Variants in RYR3 observed in about 807,000 individuals in gnomAD.
RYR3 encodes brain ryanodine receptor-calcium release channel.
In RYR3, 207 loss-of-function variants were observed where a neutral mutation model predicts 584.3. The ratio of observed to expected loss-of-function variants is 0.35; its 90% CI spans 0.32 to 0.40. RYR3 has a LOEUF of 0.40. RYR3 is among the 10% of genes least tolerant of loss of function. The pLI, the probability that RYR3 is intolerant of heterozygous loss-of-function variation, is 1.00. For synonymous variants in RYR3, 2,416 were observed against 2,248.5 expected (o/e 1.07, Z -2.11); for missense variants, 5,616 against 6,089.2 (o/e 0.92, Z 2.59).
rs534021701 is a variant in RYR3 at position 33,314,871 on chromosome 15, G to A, written c.51+3775G>A. 1.1e-3 allele frequency among the ~76,000 whole-genome samples: 172 copies of A among 151,892 alleles called. 1 individual carries two copies. Among genetic ancestry groups the A allele is most frequent in the African/African-American group, 4.0e-3 (165 of 41,384 alleles). ...GGAGCCTGCAGTGAGCCGAGATTGC[G>A]CCACTGGACTCTAGCCTGGGCGGCA... is the stretch of plus-strand genomic sequence containing the variant. On this transcript the variant is annotated intron_variant, in intron 1 of 103. Transcript: ENST00000634891.
At chr15:33,338,870 G>A (rs1330544002) in intron 1 of RYR3, among the ~76,000 whole-genome samples, 2 of 151,998 alleles carry the variant, frequency 1.3e-5, no homozygotes, top group Non-Finnish European at 2.9e-5. Flanking sequence ...TACAAACTTC[G>A]TTTCCTCTTA....
intron 32 of RYR3, among the ~76,000 whole-genome samples, chr15:33,658,720 T>A (rs2152700084): frequency 6.6e-6 from 1 of 152,322 alleles, no homozygotes; most frequent in South Asian, 2.1e-4. Context: ...TGAAAACACT[T>A]TAGTAATATG....
intron 1 of RYR3, among the ~76,000 whole-genome samples, chr15:33,444,510 G>T (rs1468047030): frequency 2.0e-5 from 3 of 152,176 alleles, no homozygotes; most frequent in Non-Finnish European, 4.4e-5. Context: ...GGGGATGAAG[G>T]AGATGGAGCC....
intron 82 of RYR3, 130 bp from the exon 83 acceptor site, chr15:33,826,122 C>T: frequency 1.2e-6 from 1 of 846,824 alleles, no homozygotes; most frequent in Non-Finnish European, 2.0e-6. Context: ...AAAATGCTTC[C>T]ATCGGTAGCT....
chr15:33,517,319 G>T (rs531488936), intron 3 of RYR3, among the ~76,000 whole-genome samples: 2 of 152,250 alleles, frequency 1.3e-5, no homozygotes, highest in East Asian at 3.9e-4. Context: ...TAACCTTTCT[G>T]ATTTTGTCTT....
At chr15:33,623,066 C>G (rs1484313030) in intron 19 of RYR3, among the ~76,000 whole-genome samples, 1 of 152,158 alleles carries the variant, frequency 6.6e-6, no homozygotes, top group African/African-American at 2.4e-5. Context: ...GTTGGGAAGT[C>G]CCAGTGAGCA....
chr15:33,618,822 A>G (rs1015665847), intron 19 of RYR3, among the ~76,000 whole-genome samples: 6 of 152,236 alleles, frequency 3.9e-5, no homozygotes, highest in African/African-American at 1.2e-4. Context: ...TGAGCACAGC[A>G]CAGCTTTGTC....
intron 67 of RYR3, among the ~76,000 whole-genome samples, chr15:33,792,540 A>G (rs1392742486): frequency 1.3e-5 from 2 of 152,214 alleles, no homozygotes; most frequent in Non-Finnish European, 2.9e-5. Context: ...CTTCTATTCT[A>G]CAGAACTTCA....
intron 19 of RYR3, among the ~76,000 whole-genome samples, chr15:33,622,834 T>C (rs762810042): frequency 2.0e-5 from 3 of 152,208 alleles, no homozygotes; most frequent in Non-Finnish European, 2.9e-5. Context: ...CTATTTCTGA[T>C]TATAAACCTG....
intron 21 of RYR3, 44 bp from the exon 22 acceptor site, chr15:33,629,896 C>G (rs1413431630): frequency 9.0e-7 from 1 of 1,107,828 alleles, no homozygotes; most frequent in South Asian, 1.4e-5. Flanking sequence ...GCAGTGCCAG[C>G]TGGTCAAAAC....
chr15:33,498,345 A>T (rs529914100), intron 2 of RYR3, among the ~76,000 whole-genome samples: 1 of 152,298 alleles, frequency 6.6e-6, no homozygotes, highest in South Asian at 2.1e-4. Context: ...CCTCATCAGC[A>T]TTCGTGATTT....
intron 2 of RYR3, among the ~76,000 whole-genome samples, chr15:33,488,449 CT>C (rs72098093): frequency 0.34 from 43,302 of 127,138 alleles, 6,247 homozygotes; most frequent in African/African-American, 0.43. Flanking sequence ...ACAGTCTTGC[CT>C]TTTTTTTTTT....
At chr15:33,710,451 C>T (rs185261483) in intron 43 of RYR3, among the ~76,000 whole-genome samples, 61 of 151,752 alleles carry the variant, frequency 4.0e-4, no homozygotes, top group African/African-American at 1.4e-3. Context: ...TCAAGCAATC[C>T]TCCCTTCTCA....
At chr15:33,578,780 A>AAAACG (rs1555536861) in intron 12 of RYR3, among the ~76,000 whole-genome samples, 1 of 35,532 alleles carries the variant, frequency 2.8e-5, no homozygotes, top group African/African-American at 1.2e-4. Flanking sequence ...AAAAAAAAAC[A>AAAACG]ACAACAAAAA....
intron 73 of RYR3, 29 bp from the exon 74 acceptor site, chr15:33,813,438 G>A (rs368975237): frequency 1.8e-4 from 282 of 1,579,700 alleles, no homozygotes; most frequent in Middle Eastern, 3.8e-4. Flanking sequence ...TCAGCCTAAT[G>A]TGCACCAACC....
Position 33,746,085 on chromosome 15 carries a change from A to C in RYR3, c.7917A>C (p.Lys2639Asn). 6.3e-7 allele frequency: 1 copy of C among 1,597,884 alleles called. No homozygotes were observed. Among genetic ancestry groups the C allele is most frequent in the African/African-American group, 1.3e-5 (1 of 74,830 alleles). Residue 2639 changes from lysine to asparagine, a missense_variant, in exon 53 of 104, where the codon AAA (lysine) becomes AAC (asparagine). Coordinates refer to ENST00000634891, the MANE Select transcript of RYR3 (RefSeq NM_001036.6). ...TTCTACAGAGTCAGAGTGGATGGAA[A>C]TATGGGATTTCCCTGGATGAAAATG... ...WACDKSQSGW[K>N]YGISLDENVK...
chr15:33,821,261 T>G lies in RYR3; in HGVS notation c.10816-9T>G, dbSNP rs10714306. 3.2e-6 allele frequency: 5 copies of G among 1,562,440 alleles called. No individual in the cohort carries two copies. Among genetic ancestry groups the G allele is most frequent in the Non-Finnish European group, 4.3e-6 (5 of 1,156,044 alleles). ...ACCAATCTTTCCCTGTGATTTTTTT[T>G]CCCCCCAGGAGAAAGAGATGGAGAA... On this transcript the variant is annotated splice_polypyrimidine_tract_variant and intron_variant, in intron 78 of 103. Transcript: ENST00000634891.
intron 62 of RYR3, among the ~76,000 whole-genome samples, chr15:33,769,396 T>C (rs374454300): frequency 6.6e-6 from 1 of 152,222 alleles, no homozygotes; most frequent in African/African-American, 2.4e-5. Context: ...TCAATTCTTA[T>C]CTTTCCTTCC....
chr15:33,536,172 C>G (rs2141105082), intron 5 of RYR3, among the ~76,000 whole-genome samples: 1 of 152,270 alleles, frequency 6.6e-6, no homozygotes, highest in Non-Finnish European at 1.5e-5. Context: ...ACTTCTGGCT[C>G]AGAAACCCCT....
Sources: gnomAD v4.1 joint callset for allele counts (sites outside exome capture counted in the v4.1 genomes callset) on GRCh38, gnomAD v4.1.1 for gene constraint, MANE v1.5 for transcripts, NCBI Gene and HGNC (gene_info 2026-07-23, HGNC 2026-07-21) for gene names.